KIF18A: variants seen among roughly 807,000 people sequenced by gnomAD.
The protein encoded by KIF18A is kinesin family member 18A.
KIF18A carries 67 observed loss-of-function variants against 103.3 expected under a neutral mutation model. That is an observed-to-expected ratio of 0.65 (90% confidence interval 0.53 to 0.79). The LOEUF (loss-of-function observed/expected upper bound fraction) is 0.79, where lower values mean the gene tolerates loss of function less well. KIF18A is among the 30% of genes least tolerant of loss of function. KIF18A has a pLI of 0.00. For synonymous variants in KIF18A, 367 were observed against 355.5 expected (o/e 1.03, Z -0.36); for missense variants, 1,032 against 1,062.5 (o/e 0.97, Z 0.40).
intron 13 of KIF18A, among the ~76,000 whole-genome samples, chr11:28,044,693 T>A (rs1377970143): frequency 1.3e-5 from 2 of 152,080 alleles, no homozygotes; most frequent in Non-Finnish European, 2.9e-5. Flanking sequence ...TAGAAGCCTC[T>A]CAAAAGACTT....
At chr11:28,092,683 A>T (rs570734132) in intron 3 of KIF18A, among the ~76,000 whole-genome samples, 1 of 152,206 alleles carries the variant, frequency 6.6e-6, no homozygotes, top group Non-Finnish European at 1.5e-5. Flanking sequence ...AACAAAATTT[A>T]GTCTCTAAAA....
In KIF18A at chr11:28,090,698, T is replaced by C. The variant is rs1395236158; in HGVS notation, c.618A>G (p.Leu206=). 1.2e-6 allele frequency: 2 copies of C among 1,606,210 alleles called. No individual in the cohort carries two copies. Reference sequence around the variant, plus strand: ...TCCTGTTTTTGTTTCCATTATCCAATAAATGTAAAATTTCTTCTGAGGATT... The same window carrying C: ...TCCTGTTTTTGTTTCCATTATCCAACAAATGTAAAATTTCTTCTGAGGATT... ...QPKSSEEILH[L]LDNGNKNRTQ... The change falls in exon 5 of 17, where the codon TTA becomes TTG. Residue 206 remains leucine (L), a synonymous_variant. Coordinates refer to ENST00000263181, the MANE Select transcript of KIF18A (RefSeq NM_031217.4).
chr11:28,084,914 C>A, intron 6 of KIF18A, 106 bp from the exon 7 acceptor site: 3 of 755,506 alleles, frequency 4.0e-6, no homozygotes, highest in African/African-American at 3.5e-5. Flanking sequence ...GGTGCCGAGG[C>A]AAGAGACTGA....
At position 28,097,927 on chromosome 11, in the gene KIF18A, G is replaced by C. The variant is rs201287167; in HGVS notation, c.21C>G (p.Asp7Glu). ...CTACTACTTTCATATGGTGGCACAGGTCTTCCTCAGTGACAGACATTGTTG... is the reference window on the plus strand; with the variant it reads ...CTACTACTTTCATATGGTGGCACAGCTCTTCCTCAGTGACAGACATTGTTG... MSVTEE[D>E]LCHHMKVVVR... Residue 7 changes from aspartate to glutamate, a missense_variant, in exon 2 of 17, where the codon GAC (aspartate) becomes GAG (glutamate). Coordinates refer to ENST00000263181, the MANE Select transcript of KIF18A (RefSeq NM_031217.4). The C allele has an allele frequency of 5.1e-6, 8 of 1,580,708 alleles. No homozygotes were observed. The highest frequency in any genetic ancestry group is 6.9e-6 in the Non-Finnish European group (8 of 1,165,716).
chr11:28,057,200 T>C (rs1590683243), intron 13 of KIF18A, among the ~76,000 whole-genome samples: 1 of 152,088 alleles, frequency 6.6e-6, no homozygotes, highest in Non-Finnish European at 1.5e-5. Flanking sequence ...GCCTCATCGA[T>C]AATCTGAGAG....
At position 28,021,226 on chromosome 11, in the gene KIF18A, T is replaced by C. The variant is rs1394084481; in HGVS notation, c.2671A>G (p.Asn891Asp). 3.3e-6 allele frequency: 5 copies of C among 1,507,182 alleles called. No homozygotes were observed. In the Middle Eastern group the frequency reaches 7.0e-4, roughly 211 times the overall value. The allele number at this position is 1,507,182 out of a possible 1,614,324, so 93.4% of individuals were successfully genotyped here. Residue 891 changes from asparagine (N) to aspartate (D), a missense_variant, in exon 17 of 17, where the codon AAT becomes GAT. Asn to Asp is a conservative substitution (Grantham distance 23). Coordinates refer to ENST00000263181, the MANE Select transcript of KIF18A (RefSeq NM_031217.4). ...NPSMVRKFGR[N>D]ISKGNLR ...TATCTTAGATTTCCTTTTGAAATAT[T>C]TCTTCCAAATTTTCTAACCATGCTT...
At position 28,021,130 on chromosome 11, in the gene KIF18A, T is replaced by G; in HGVS notation, c.*70A>C. 7.6e-7 allele frequency: 1 copy of G among 1,320,826 alleles called. No individual in the cohort carries two copies. 81.8% of individuals were successfully genotyped at this position (1,320,826 alleles called of 1,614,324 possible). On this transcript the variant is annotated 3_prime_UTR_variant, in exon 17 of 17. Coordinates refer to ENST00000263181, the MANE Select transcript of KIF18A (RefSeq NM_031217.4). ...TTCTTTCAAAGATTTTAAATATATT[T>G]TTGAAAGGGTATTGATAAACTTTGA... is the stretch of plus-strand genomic sequence containing the variant.
chr11:28,029,266 T>G lies in KIF18A; in HGVS notation c.2505-5416A>C, dbSNP rs548097688. Among the ~76,000 whole-genome samples, 6 of 152,252 alleles carry G rather than the reference T, an allele frequency of 3.9e-5. No individual in the cohort carries two copies. The South Asian group carries it at 1.2e-3, about 32-fold the overall frequency. On this transcript the variant is annotated intron_variant, in intron 15 of 16. Transcript: ENST00000263181. ...GACCAATATCCCTGAAGAACATTGA[T>G]GCAAAAATCCTCAATAAACTACTGG...
chr11:28,049,815 C>CT (rs1850690099), intron 13 of KIF18A, among the ~76,000 whole-genome samples: 1 of 151,902 alleles, frequency 6.6e-6, no homozygotes, highest in South Asian at 2.1e-4. Flanking sequence ...TTTTAACAGC[C>CT]TTATGACTCA....
chr11:28,030,642 C>T (rs1850385667), intron 15 of KIF18A, among the ~76,000 whole-genome samples: 1 of 151,968 alleles, frequency 6.6e-6, no homozygotes, highest in Admixed American at 6.6e-5. Flanking sequence ...ATGTCTAAAA[C>T]ACCAAAAGCA....
rs374708406 is a variant in KIF18A, at chr11:28,036,260, C to T, written c.2353G>A (p.Glu785Lys). ...DIKSSKCKLPEQESLPNDNKD... is the reference protein window; with the variant it reads ...DIKSSKCKLPKQESLPNDNKD... ...TTATCATTTGGTAGTGATTCTTGTTCGGGTAATTTACACTTCGAGCTCTTG... is the reference window on the plus strand; with the variant it reads ...TTATCATTTGGTAGTGATTCTTGTTTGGGTAATTTACACTTCGAGCTCTTG... Residue 785 changes from glutamate to lysine, a missense_variant, in exon 14 of 17, where the codon GAA becomes AAA. Transcript: ENST00000263181. The T allele has an allele frequency of 1.6e-5, 26 of 1,605,836 alleles. No homozygotes were observed. Among genetic ancestry groups the T allele is most frequent in the African/African-American group, 4.0e-5 (3 of 74,340 alleles).
At chr11:28,044,391 T>C (rs1273861029) in intron 13 of KIF18A, among the ~76,000 whole-genome samples, 1 of 152,052 alleles carries the variant, frequency 6.6e-6, no homozygotes, top group African/African-American at 2.4e-5. Context: ...GATTGACTAG[T>C]TTTCTGGAGA....
rs760364737 is a variant in KIF18A, at chr11:28,036,276, C to T, written c.2337G>A (p.Ser779=). ...ATTCTTGTTCGGGTAATTTACACTT[C>T]GAGCTCTTGATGTCTTCACATATAG... is the stretch of plus-strand genomic sequence containing the variant. ...TFTICEDIKS[S]KCKLPEQESL... Residue 779 remains serine, a synonymous_variant, in exon 14 of 17, where the codon TCG becomes TCA. Coordinates refer to ENST00000263181, the MANE Select transcript of KIF18A (RefSeq NM_031217.4). The T allele has an allele frequency of 1.4e-5, 23 of 1,609,266 alleles. No homozygotes were observed. Among genetic ancestry groups the T allele is most frequent in the South Asian group, 8.8e-5 (8 of 90,590 alleles).
intron 11 of KIF18A, among the ~76,000 whole-genome samples, chr11:28,066,574 C>T (rs896363116): frequency 6.6e-6 from 1 of 151,550 alleles, no homozygotes; most frequent in African/African-American, 2.4e-5. Context: ...TTAAAAAAAA[C>T]GTGCTATAGT....
At chr11:28,022,641 T>C (rs1850261969) in intron 16 of KIF18A, among the ~76,000 whole-genome samples, 1 of 152,202 alleles carries the variant, frequency 6.6e-6, no homozygotes, top group Admixed American at 6.5e-5. Context: ...AGAAGATCAG[T>C]GGGGCAGTAC....
At chr11:28,027,107 C>A (rs190689317) in intron 15 of KIF18A, among the ~76,000 whole-genome samples, 1 of 151,738 alleles carries the variant, frequency 6.6e-6, no homozygotes, top group East Asian at 1.9e-4. Flanking sequence ...CTTGTAAATT[C>A]GCTTCCTGTT....
At position 28,077,973 on chromosome 11, in the gene KIF18A, T is replaced by G. The variant is rs564712390; in HGVS notation, c.1263-804A>C. On this transcript the variant is annotated intron_variant, in intron 9 of 16. Transcript: ENST00000263181. ...GCAATCCTGTATCCTTCTGGGTCAG[T>G]AGAACACTGGTCACAGTAATATTTT... Among the ~76,000 whole-genome samples the G allele has an allele frequency of 2.6e-5, 4 of 152,272 alleles. No individual in the cohort carries two copies. The East Asian group carries it at 7.7e-4, about 29-fold the overall frequency.
At chr11:28,098,712 C>T (rs1024101389) in intron 1 of KIF18A, among the ~76,000 whole-genome samples, 7 of 152,082 alleles carry the variant, frequency 4.6e-5, no homozygotes, top group African/African-American at 1.7e-4. Flanking sequence ...TCAATGATAG[C>T]AGGTTTAAAA....
chr11:28,049,650 T>C (rs1354987418), intron 13 of KIF18A, among the ~76,000 whole-genome samples: 1 of 151,988 alleles, frequency 6.6e-6, no homozygotes, highest in Non-Finnish European at 1.5e-5. Context: ...CCTGTTAATA[T>C]GTACGTGAGG....
Sources: allele counts gnomAD v4.1 joint callset (sites outside exome capture counted in the v4.1 genomes callset), GRCh38; gene constraint gnomAD v4.1.1; transcripts MANE v1.5; gene names NCBI Gene and HGNC (gene_info 2026-07-23, HGNC 2026-07-21).